The following PTPRD variants were observed in gnomAD, a reference collection of about 807,000 sequenced individuals.
PTPRD encodes the protein receptor-type tyrosine-protein phosphatase delta.
In PTPRD, 34 loss-of-function variants were observed where a neutral mutation model predicts 214.5. The observed-to-expected ratio is 0.16, with a 90% CI of 0.12 to 0.21. PTPRD has a LOEUF of 0.21. Among genes scored for constraint, PTPRD ranks in the 10% least tolerant of loss-of-function variants. The pLI is 1.00. For missense variants in PTPRD, 2,545 were observed against 2,398.7 expected (o/e 1.06, Z -1.27); for synonymous variants, 1,128 against 845.7 (o/e 1.33, Z -5.79).
intron 5 of PTPRD, among the ~76,000 whole-genome samples, chr9:9,911,399 C>G (rs1362067920): frequency 6.8e-6 from 1 of 148,074 alleles, no homozygotes; most frequent in African/African-American, 2.5e-5. Context: ...TGAACATTAG[C>G]CACACCATAA....
At chr9:9,634,177 A>T (rs915831224) in intron 7 of PTPRD, among the ~76,000 whole-genome samples, 1 of 152,150 alleles carries the variant, frequency 6.6e-6, no homozygotes, top group African/African-American at 2.4e-5. Flanking sequence ...TACCAAATTA[A>T]CATATGCCAA....
intron 3 of PTPRD, among the ~76,000 whole-genome samples, chr9:10,196,097 A>G (rs2099396917): frequency 6.6e-6 from 1 of 152,232 alleles, no homozygotes; most frequent in South Asian, 2.1e-4. Context: ...CTATACACTT[A>G]TAGAAATATG....
chr9:9,851,465 T>G (rs2060534040), intron 5 of PTPRD, among the ~76,000 whole-genome samples: 1 of 152,206 alleles, frequency 6.6e-6, no homozygotes, highest in African/African-American at 2.4e-5. Context: ...TTGGTTCAAG[T>G]GAAGTTACAA....
intron 2 of PTPRD, among the ~76,000 whole-genome samples, chr9:10,442,101 C>A (rs910800147): frequency 6.6e-6 from 1 of 151,644 alleles, no homozygotes; most frequent in Admixed American, 6.6e-5. Context: ...AAATCTAGTT[C>A]TTGAGCTTAG....
chr9:9,830,974 C>A (rs1034380594), intron 5 of PTPRD, among the ~76,000 whole-genome samples: 2 of 151,830 alleles, frequency 1.3e-5, no homozygotes, highest in Non-Finnish European at 2.9e-5. Flanking sequence ...TGTTAGCTGA[C>A]TGCATTAGGA....
intron 3 of PTPRD, among the ~76,000 whole-genome samples, chr9:10,143,732 A>G (rs1410189991): frequency 6.6e-6 from 1 of 152,116 alleles, no homozygotes; most frequent in Non-Finnish European, 1.5e-5. Context: ...GCCATAAAAA[A>G]ATGAAATTAT....
rs922434732 is a variant in PTPRD at position 10,480,549 on chromosome 9, TAAGG to T, written c.-600+131845_-600+131848del. 5.7e-4 allele frequency among the ~76,000 whole-genome samples: 86 copies of T among 151,564 alleles called. 2 individuals carry two copies. The highest frequency in any genetic ancestry group is 2.1e-3 in the African/African-American group (85 of 41,322). ...CATTTTTTATAAACTTCCGAAGAAA[TAAGG>T]AAGAAAGAAAGCATGCAAAAGACAA... On this transcript the variant is annotated intron_variant, in intron 2 of 45. Transcript: ENST00000381196.
intron 11 of PTPRD, among the ~76,000 whole-genome samples, chr9:8,804,799 C>A (rs2096643075): frequency 6.6e-6 from 1 of 152,148 alleles, no homozygotes; most frequent in Non-Finnish European, 1.5e-5. Flanking sequence ...TGATCCCTAG[C>A]CACAAGGACT....
chr9:9,297,452 A>G (rs1407453433), intron 9 of PTPRD, among the ~76,000 whole-genome samples: 1 of 151,596 alleles, frequency 6.6e-6, no homozygotes, highest in Non-Finnish European at 1.5e-5. Context: ...TAAAACATTG[A>G]AACAAAAAAA....
chr9:9,456,959 T>G (rs1320215497), intron 8 of PTPRD, among the ~76,000 whole-genome samples: 1 of 151,736 alleles, frequency 6.6e-6, no homozygotes, highest in Non-Finnish European at 1.5e-5. Context: ...CACCACAATA[T>G]CACAGAACTA....
intron 26 of PTPRD, among the ~76,000 whole-genome samples, chr9:8,497,032 CA>C (rs762036985): frequency 6.6e-6 from 1 of 152,186 alleles, no homozygotes; most frequent in African/African-American, 2.4e-5. Flanking sequence ...AAGCCCATGA[CA>C]TTTCTTACGC....
rs55789848 is a variant in PTPRD at position 8,691,949 on chromosome 9, A to G, written c.64+41831T>C. ...TGTTGGTTTTTCCTTCATACCTCCT[A>G]TTTCTATCATTCTATTGCATACTCA... On this transcript the variant is annotated intron_variant, in intron 12 of 45. Coordinates refer to ENST00000381196, the MANE Select transcript of PTPRD (RefSeq NM_002839.4). Among the ~76,000 whole-genome samples, 407 of 152,134 alleles carry G rather than the reference A, an allele frequency of 2.7e-3. 1 individual carries two copies. The highest frequency in any genetic ancestry group is 4.1e-3 in the Admixed American group (62 of 15,270).
chr9:8,532,679 T>C (rs184523650), intron 14 of PTPRD, among the ~76,000 whole-genome samples: 1 of 152,076 alleles, frequency 6.6e-6, no homozygotes, highest in Non-Finnish European at 1.5e-5. Context: ...TACTAATTCA[T>C]CAACCATTTA....
intron 4 of PTPRD, among the ~76,000 whole-genome samples, chr9:10,026,162 A>C (rs1415902736): frequency 1.3e-5 from 2 of 152,180 alleles, no homozygotes; most frequent in Admixed American, 6.5e-5. Flanking sequence ...CAGTTAACTA[A>C]AAATTTGAGT....
intron 11 of PTPRD, among the ~76,000 whole-genome samples, chr9:8,808,704 T>A (rs933284882): frequency 3.0e-4 from 45 of 152,060 alleles, no homozygotes; most frequent in African/African-American, 1.0e-3. Flanking sequence ...TAATAAAACA[T>A]GAAATGTATA....
At chr9:10,515,129 G>A (rs1243755060) in intron 2 of PTPRD, among the ~76,000 whole-genome samples, 3 of 151,796 alleles carry the variant, frequency 2.0e-5, no homozygotes, top group Non-Finnish European at 2.9e-5. Flanking sequence ...TAATTTATAG[G>A]CCTTTTAAGA....
rs142788307 is a variant in PTPRD, at chr9:8,530,692, T to C, written c.353-1913A>G. Among the ~76,000 whole-genome samples the C allele has an allele frequency of 2.0e-5, 3 of 152,156 alleles. No individual in the cohort carries two copies. In the East Asian group the frequency reaches 5.8e-4, roughly 30 times the overall value. On this transcript the variant is annotated intron_variant, in intron 14 of 45. Coordinates refer to ENST00000381196, the MANE Select transcript of PTPRD (RefSeq NM_002839.4). Reference sequence around the variant, plus strand: ...AGTGACTGTTTAAAAAATATATATATCCTACTATGCAGAACTTCTGGTAGA... The same window carrying C: ...AGTGACTGTTTAAAAAATATATATACCCTACTATGCAGAACTTCTGGTAGA...
rs143559540 is a variant in PTPRD at position 8,323,560 on chromosome 9, G to T, written c.5535-3594C>A. 3.5e-3 allele frequency among the ~76,000 whole-genome samples: 526 copies of T among 152,270 alleles called. 3 individuals are homozygous for T. Among genetic ancestry groups the T allele is most frequent in the African/African-American group, 0.012 (492 of 41,552 alleles). On this transcript the variant is annotated intron_variant, in intron 44 of 45. Coordinates refer to ENST00000381196, the MANE Select transcript of PTPRD (RefSeq NM_002839.4). Reference sequence around the variant, plus strand: ...GATTCCAATCTTCATGGATGACTTTGAGGGGTTCAAGACTTCAGTAGAGGA... The same window carrying T: ...GATTCCAATCTTCATGGATGACTTTTAGGGGTTCAAGACTTCAGTAGAGGA...
intron 10 of PTPRD, among the ~76,000 whole-genome samples, chr9:9,137,156 A>C (rs1161154141): frequency 1.3e-5 from 2 of 152,320 alleles, no homozygotes; most frequent in East Asian, 3.9e-4. Flanking sequence ...AAGTAAGGCA[A>C]ATTGCTATTG....
Sources: gnomAD v4.1 joint callset for allele counts (sites outside exome capture counted in the v4.1 genomes callset) on GRCh38, gnomAD v4.1.1 for gene constraint, MANE v1.5 for transcripts, NCBI Gene and HGNC (gene_info 2026-07-23, HGNC 2026-07-21) for gene names.